Variants in ZNF536 observed in about 807,000 individuals in gnomAD.
ZNF536 encodes zinc finger protein 536.
A neutral mutation model predicts 84.5 loss-of-function variants in ZNF536; 13 were observed. That is an observed-to-expected ratio of 0.15 (90% CI 0.10 to 0.24). The LOEUF is 0.24. Ranked by LOEUF, ZNF536 falls within the 10% of genes least tolerant of loss-of-function variation. The probability of loss-of-function intolerance (pLI) is 1.00; values close to 1 mark genes in which losing one functional copy is unlikely to be tolerated. For missense variants in ZNF536, 1,536 were observed against 1,747.5 expected (o/e 0.88, Z 2.16); for synonymous variants, 811 against 742.5 (o/e 1.09, Z -1.50).
At chr19:30,283,240 G>A (rs900988129) in intron 1 of ZNF536, among the ~76,000 whole-genome samples, 9 of 152,122 alleles carry the variant, frequency 5.9e-5, no homozygotes, top group African/African-American at 2.2e-4. Flanking sequence ...CATCCCTTCC[G>A]TGACATGGCA....
rs554047897 is a variant in ZNF536, at chr19:30,551,493, C to T, written c.3895+1979C>T. 1.2e-3 allele frequency among the ~76,000 whole-genome samples: 184 copies of T among 152,262 alleles called. 2 individuals are homozygous for T. Among genetic ancestry groups the T allele is most frequent in the Non-Finnish European group, 4.3e-4 (29 of 68,018 alleles). On this transcript the variant is annotated intron_variant, in intron 4 of 4. Coordinates refer to ENST00000355537, the MANE Select transcript of ZNF536 (RefSeq NM_014717.3). ...ACACGACACGTCCCTGACATTTCCCCGCTATGTGCAAACCGTGTTGCCCAG... is the reference window on the plus strand; with the variant it reads ...ACACGACACGTCCCTGACATTTCCCTGCTATGTGCAAACCGTGTTGCCCAG...
At chr19:30,556,958 AC>A (rs2045987398) in intron 4 of ZNF536, 198 bp from the exon 5 acceptor site, 1 of 577,350 alleles carries the variant, frequency 1.7e-6, no homozygotes, top group African/African-American at 2.0e-5. Flanking sequence ...CAGCACCTCT[AC>A]GTCTAATTGC....
intron 1 of ZNF536, among the ~76,000 whole-genome samples, chr19:30,653,116 C>G (rs2049771768): frequency 4.6e-5 from 7 of 152,198 alleles, no homozygotes; most frequent in African/African-American, 1.7e-4. Context: ...GAGGGTTTCA[C>G]CATGCTTGAC....
At chr19:30,408,746 CT>C (rs994856071) in intron 1 of ZNF536, among the ~76,000 whole-genome samples, 12 of 151,944 alleles carry the variant, frequency 7.9e-5, no homozygotes, top group African/African-American at 2.9e-4. Flanking sequence ...ATCGGTCCAT[CT>C]GTCCATCATC....
At chr19:30,537,734 G>GC (rs1326517575) in intron 3 of ZNF536, among the ~76,000 whole-genome samples, 2 of 152,184 alleles carry the variant, frequency 1.3e-5, no homozygotes, top group African/African-American at 2.4e-5. Context: ...CTGAACTTCT[G>GC]CTTCACAAAC....
intron 2 of ZNF536, among the ~76,000 whole-genome samples, chr19:30,490,418 C>G (rs1044070331): frequency 6.6e-6 from 1 of 152,162 alleles, no homozygotes; most frequent in African/African-American, 2.4e-5. Flanking sequence ...TTTAGATCTT[C>G]ATTTTACAGA....
In ZNF536 at chr19:30,444,429, G is replaced by A. The variant is rs2148183218; in HGVS notation, c.867G>A (p.Leu289=). The A allele has an allele frequency of 6.2e-7, 1 of 1,608,772 alleles. No homozygotes were observed. The highest frequency in any genetic ancestry group is 1.1e-5 in the South Asian group (1 of 91,088). The change falls in exon 2 of 5, where the codon CTG becomes CTA. Residue 289 remains leucine, a synonymous_variant. Coordinates refer to ENST00000355537, the MANE Select transcript of ZNF536 (RefSeq NM_014717.3). The part of the protein sequence containing the change: ...CKGKFKKREE[L]DRHIRILHKP... ...GCAAGTTCAAGAAGCGCGAGGAGCT[G>A]GACCGCCACATCCGCATCTTGCACA...
intron 1 of ZNF536, among the ~76,000 whole-genome samples, chr19:30,661,000 A>G (rs2050102941): frequency 6.6e-6 from 1 of 152,206 alleles, no homozygotes; most frequent in South Asian, 2.1e-4. Flanking sequence ...TCCAGACGTG[A>G]GCCCAGTGTT....
chr19:30,244,197 G>C (rs1004239738), intron 1 of ZNF536, among the ~76,000 whole-genome samples: 5 of 152,134 alleles, frequency 3.3e-5, no homozygotes, highest in African/African-American at 1.2e-4. Flanking sequence ...TGATTGATCG[G>C]CTTTAGACAC....
chr19:30,477,178 G>C (rs574594243), intron 2 of ZNF536, among the ~76,000 whole-genome samples: 1 of 152,046 alleles, frequency 6.6e-6, no homozygotes, highest in Non-Finnish European at 1.5e-5. Context: ...CCCTTATTCT[G>C]TCTGTCCCGA....
chr19:30,351,968 TC>T (rs370137536), intron 2 of ZNF536, among the ~76,000 whole-genome samples: 8 of 152,356 alleles, frequency 5.3e-5, no homozygotes, highest in African/African-American at 1.9e-4. Flanking sequence ...AATCCCTGTT[TC>T]TTTAACAAAA....
At chr19:30,648,905 T>C (rs2049580315) in intron 1 of ZNF536, among the ~76,000 whole-genome samples, 1 of 152,270 alleles carries the variant, frequency 6.6e-6, no homozygotes, top group Non-Finnish European at 1.5e-5. Flanking sequence ...CCGGAAGTGC[T>C]GATGATAAAC....
At chr19:30,695,162 C>G (rs12984819) in intron 1 of ZNF536, among the ~76,000 whole-genome samples, 18,422 of 152,118 alleles carry the variant, frequency 0.12, 1,303 homozygotes, top group East Asian at 0.34. Context: ...GTATGAGGCA[C>G]AGACCAGGTA....
rs762842735 is a variant in ZNF536 at position 30,548,230 on chromosome 19, G to A, written c.2611G>A (p.Gly871Arg). ...SGVLSSGDHS[G>R]QATGMSSEVP... ...GGTTCTCTCCTCTGGAGATCACTCG[G>A]GGCAGGCCACGGGCATGTCTTCGGA... Residue 871 changes from glycine (G) to arginine (R), a missense_variant, in exon 4 of 5, where the codon GGG (glycine) becomes AGG (arginine). Gly to Arg is a moderately radical substitution (Grantham distance 125). This residue lies in a region of ZNF536 where 624 missense variants were observed against 603.1 expected (regional missense o/e 1.03). Transcript: ENST00000355537. 6.2e-7 allele frequency: 1 copy of A among 1,614,194 alleles called. No individual in the cohort carries two copies. Among genetic ancestry groups the A allele is most frequent in the Non-Finnish European group, 8.5e-7 (1 of 1,180,044 alleles).
chr19:30,383,693 T>TCTTTC (rs1555737819), intron 1 of ZNF536, among the ~76,000 whole-genome samples: 1 of 11,788 alleles, frequency 8.5e-5, no homozygotes, highest in Non-Finnish European at 1.8e-4. Context: ...CCTTCCTTTC[T>TCTTTC]TTTCTTTCTC....
chr19:30,430,221 C>T (rs2051392880), intron 1 of ZNF536, among the ~76,000 whole-genome samples: 1 of 152,202 alleles, frequency 6.6e-6, no homozygotes, highest in Non-Finnish European at 1.5e-5. Flanking sequence ...CGCTTTCTCC[C>T]CAAGGATAGA....
At chr19:30,664,092 G>C (rs2050215565) in intron 1 of ZNF536, among the ~76,000 whole-genome samples, 1 of 151,980 alleles carries the variant, frequency 6.6e-6, no homozygotes, top group Non-Finnish European at 1.5e-5. Context: ...CCTAGAAGGG[G>C]GATCATTTGT....
chr19:30,537,926 T>A (rs949787485), intron 3 of ZNF536, among the ~76,000 whole-genome samples: 1 of 152,172 alleles, frequency 6.6e-6, no homozygotes, highest in African/African-American at 2.4e-5. Context: ...CAGATAAAGA[T>A]CAATTACCTT....
intron 1 of ZNF536, among the ~76,000 whole-genome samples, chr19:30,642,903 C>T (rs1042689450): frequency 2.0e-5 from 3 of 152,144 alleles, no homozygotes; most frequent in Admixed American, 2.0e-4. Flanking sequence ...CTGAGGGACA[C>T]AACTGAGGTG....
Sources: gnomAD v4.1 joint callset for allele counts (sites outside exome capture counted in the v4.1 genomes callset) on GRCh38, gnomAD v4.1.1 for gene constraint, gnomAD v4.1.1 regional missense constraint, MANE v1.5 for transcripts, NCBI Gene and HGNC (gene_info 2026-07-23, HGNC 2026-07-21) for gene names.